Variants in OPHN1 observed in about 807,000 individuals in gnomAD.
OPHN1 encodes oligophrenin 1.
A neutral mutation model predicts 60.7 loss-of-function variants in OPHN1; 11 were observed. That is an observed-to-expected ratio of 0.18 (90% CI 0.11 to 0.30). The LOEUF (loss-of-function observed/expected upper bound fraction) is 0.30. Ranked by LOEUF, OPHN1 falls within the 10% of genes least tolerant of loss-of-function variation. OPHN1 has a pLI of 1.00. For missense variants in OPHN1, 449 were observed against 611.0 expected (o/e 0.73, Z 2.80); for synonymous variants, 226 against 222.6 (o/e 1.02, Z -0.14).
intron 10 of OPHN1, among the ~76,000 whole-genome samples, chrX:68,205,979 A>AGTGTGTGTGT (rs1228949782): frequency 0.086 from 7,782 of 91,003 alleles, 305 homozygotes; most frequent in Middle Eastern, 0.15. Context: ...AGTGTGTGTG[A>AGTGTGTGTGT]GTGTGTGTGT....
intron 16 of OPHN1, among the ~76,000 whole-genome samples, chrX:68,116,692 G>A (rs1229749349): frequency 9.0e-6 from 1 of 111,387 alleles, no homozygotes; most frequent in African/African-American, 3.3e-5. Context: ...ACCCAAATTC[G>A]ACATATCCAA....
rs181365545 is a variant in OPHN1 at position 68,044,761 on chromosome X, C to A, written c.*2411G>T. On this transcript the variant is annotated 3_prime_UTR_variant, in exon 25 of 25. Transcript: ENST00000355520. ...CCAGAGCAAAGGCAGAGCTACTCAGCCACTGCTCCCTGGCCTCCAGGCAGA... is the reference window on the plus strand; with the variant it reads ...CCAGAGCAAAGGCAGAGCTACTCAGACACTGCTCCCTGGCCTCCAGGCAGA... 4.4e-5 allele frequency: 5 copies of A among 112,838 alleles called. No homozygotes were observed. Among genetic ancestry groups the A allele is most frequent in the African/African-American group, 1.6e-4 (5 of 31,133 alleles). 9.3% of individuals were successfully genotyped at this position (112,838 alleles called of 1,213,427 possible).
chrX:68,322,458 T>A (rs1336188586), intron 2 of OPHN1, among the ~76,000 whole-genome samples: 5 of 111,906 alleles, frequency 4.5e-5, no homozygotes, highest in African/African-American at 9.7e-5. Context: ...TTAAACAAGC[T>A]ATGATACATC....
chrX:68,112,097 A>C, intron 17 of OPHN1, 138 bp from the exon 18 acceptor site: 1 of 412,372 alleles, frequency 2.4e-6, no homozygotes. Context: ...ACAGAGAGAG[A>C]TTCGGAGAAA....
intron 23 of OPHN1, 118 bp downstream of exon 23, chrX:68,052,422 A>G (rs924313412): frequency 1.0e-5 from 7 of 672,827 alleles, no homozygotes; most frequent in Non-Finnish European, 1.7e-5. Flanking sequence ...AGTGACAGAC[A>G]GAGACAGAGC....
intron 4 of OPHN1, among the ~76,000 whole-genome samples, chrX:68,281,645 C>T (rs930161894): frequency 2.8e-4 from 31 of 111,641 alleles, no homozygotes; most frequent in Non-Finnish European, 1.5e-4. Context: ...AAGCCACAGA[C>T]GAGGAGAAAA....
In OPHN1 at chrX:68,229,840, G is replaced by A. The variant is rs778249226; in HGVS notation, c.486+4647C>T. 3.0e-3 allele frequency among the ~76,000 whole-genome samples: 334 copies of A among 111,713 alleles called. 3 individuals are homozygous for A. The highest frequency in any genetic ancestry group is 0.01 in the African/African-American group (322 of 30,695). The stretch of plus-strand genomic sequence containing the variant: ...AGAAAACCTAGGCAATACCATTCAG[G>A]ACATAGGCATGGGCAAGGACTTCAT... On this transcript the variant is annotated intron_variant, in intron 6 of 24. Transcript: ENST00000355520.
chrX:68,274,038 T>C (rs900830547), intron 5 of OPHN1, among the ~76,000 whole-genome samples: 1 of 111,300 alleles, frequency 9.0e-6, no homozygotes, highest in East Asian at 2.8e-4. Context: ...TGATGAGAAC[T>C]CACTCACCAC....
chrX:68,226,037 G>A (rs1044076947), intron 6 of OPHN1, among the ~76,000 whole-genome samples: 9 of 111,765 alleles, frequency 8.1e-5, no homozygotes, highest in Non-Finnish European at 1.9e-5. Context: ...GACCTTAAAT[G>A]ACCTGATGCA....
chrX:68,390,801 T>C (rs976718719), intron 2 of OPHN1, among the ~76,000 whole-genome samples: 4 of 112,089 alleles, frequency 3.6e-5, no homozygotes, highest in African/African-American at 1.3e-4. Flanking sequence ...TGTTTTAGCA[T>C]GAAGGAATGC....
At chrX:68,170,721 G>A (rs1285999707) in intron 15 of OPHN1, among the ~76,000 whole-genome samples, 1 of 95,581 alleles carries the variant, frequency 1.0e-5, no homozygotes, top group African/African-American at 3.9e-5. Context: ...TCATAGGTGG[G>A]AACTGAACAA....
rs367759686 is a variant in OPHN1 at position 68,136,849 on chromosome X, T to C, written c.1277-17517A>G. 3.1e-4 allele frequency among the ~76,000 whole-genome samples: 35 copies of C among 112,102 alleles called. No homozygotes were observed. In the East Asian group the frequency reaches 6.4e-3, roughly 21 times the overall value. On this transcript the variant is annotated intron_variant, in intron 15 of 24. Coordinates refer to ENST00000355520, the MANE Select transcript of OPHN1 (RefSeq NM_002547.3). ...AATTTGTTGGTTATAGTATTTTGAA[T>C]AAGAAATTAGATGGACAAGTAAATA...
intron 2 of OPHN1, among the ~76,000 whole-genome samples, chrX:68,304,064 A>T (rs1190888957): frequency 8.9e-6 from 1 of 112,107 alleles, no homozygotes; most frequent in African/African-American, 3.2e-5. Context: ...TCAAATAGTT[A>T]GAAAACAGGA....
At chrX:68,264,294 G>T (rs2077910344) in intron 5 of OPHN1, among the ~76,000 whole-genome samples, 1 of 111,412 alleles carries the variant, frequency 9.0e-6, no homozygotes, top group Admixed American at 9.6e-5. Context: ...CACAGCAAAA[G>T]GACCTATCAT....
At chrX:68,297,051 G>A (rs1304218979) in intron 3 of OPHN1, among the ~76,000 whole-genome samples, 3 of 111,300 alleles carry the variant, frequency 2.7e-5, no homozygotes, top group Non-Finnish European at 5.6e-5. Flanking sequence ...AGATCTGTTG[G>A]TGGCTTTGGT....
At chrX:68,132,250 G>A (rs1450264295) in intron 15 of OPHN1, among the ~76,000 whole-genome samples, 2 of 106,758 alleles carry the variant, frequency 1.9e-5, no homozygotes, top group Non-Finnish European at 3.9e-5. Context: ...ACATGCACAC[G>A]TATGTTTATT....
intron 11 of OPHN1, among the ~76,000 whole-genome samples, chrX:68,197,498 T>C (rs1359792239): frequency 9.0e-6 from 1 of 111,057 alleles, no homozygotes; most frequent in African/African-American, 3.3e-5. Flanking sequence ...TGTGCCCAGA[T>C]CCTGCAAGAA....
chrX:68,405,552 T>C (rs1341760798), intron 2 of OPHN1, among the ~76,000 whole-genome samples: 1 of 111,183 alleles, frequency 9.0e-6, no homozygotes, highest in Non-Finnish European at 1.9e-5. Context: ...ACTCCTGCAT[T>C]ACAGCTCAGA....
intron 2 of OPHN1, among the ~76,000 whole-genome samples, chrX:68,416,065 TATAGAGAGAGAGAGAGAG>T (rs1240404229): frequency 7.5e-3 from 39 of 5,183 alleles, no homozygotes; most frequent in African/African-American, 0.012. Context: ...TATATATATA[TATAGAGAGAGAGAGAGAG>T]AGAGAGAGAG....
Sources: gnomAD v4.1 joint callset for allele counts (sites outside exome capture counted in the v4.1 genomes callset) on GRCh38, gnomAD v4.1.1 for gene constraint, MANE v1.5 for transcripts, NCBI Gene and HGNC (gene_info 2026-07-23, HGNC 2026-07-21) for gene names.